Variants in AEBP2 observed in about 807,000 individuals in gnomAD.
AEBP2 encodes the protein AE binding protein 2, also known as zinc finger protein AEBP2.
AEBP2 carries 10 observed loss-of-function variants against 50.8 expected under a neutral mutation model. The observed-to-expected ratio is 0.20, with a 90% confidence interval of 0.12 to 0.33. The LOEUF (loss-of-function observed/expected upper bound fraction) is 0.33, where lower values mean the gene tolerates loss of function less well. Ranked by LOEUF, AEBP2 falls within the 10% of genes least tolerant of loss-of-function variation. The pLI, the probability that AEBP2 is intolerant of heterozygous loss-of-function variation, is 1.00. For synonymous variants in AEBP2, 296 were observed against 261.3 expected, an observed-to-expected ratio of 1.13 and a Z score of -1.28; for missense variants, 570 against 688.0, an observed-to-expected ratio of 0.83 and a Z score of 1.92.
chr12:19,422,972 G>C (rs1485962294), intron 1 of AEBP2, among the ~76,000 whole-genome samples: 1 of 136,944 alleles, frequency 7.3e-6, no homozygotes, highest in Non-Finnish European at 1.5e-5. Context: ...GGCTGAGGCA[G>C]GACAATCACT....
In AEBP2 at chr12:19,462,616, G is replaced by A. The variant is rs1339047338; in HGVS notation, c.778G>A (p.Ala260Thr). Residue 260 changes from alanine to threonine, a missense_variant, in exon 2 of 8, where the codon GCC becomes ACC. By Grantham distance (58) the Ala-to-Thr change is moderately conservative (BLOSUM62 0). Transcript: ENST00000266508. ...GSTTSSSKNI[A>T]YNCCWDQCQA... ...CACTACTTCTTCAAGCAAAAATATT[G>A]CCTATAATTGTTGTTGGGACCAGTG... 1 of 1,613,918 alleles carries A rather than the reference G, an allele frequency of 6.2e-7. No individual in the cohort carries two copies. The highest frequency in any genetic ancestry group is 2.2e-5 in the East Asian group (1 of 44,882).
chr12:19,505,826 A>G (rs1429066362), intron 5 of AEBP2, among the ~76,000 whole-genome samples: 2 of 152,122 alleles, frequency 1.3e-5, no homozygotes, highest in Non-Finnish European at 1.5e-5. Flanking sequence ...CCCAGGGTGA[A>G]ATGTGGTGGT....
rs557099369 is a variant in AEBP2 at position 19,519,417 on chromosome 12, A to G, written c.*1300A>G. The G allele has an allele frequency of 2.0e-5, 3 of 152,682 alleles. No individual in the cohort carries two copies. Among genetic ancestry groups the G allele is most frequent in the Admixed American group, 6.5e-5 (1 of 15,288 alleles). 9.5% of individuals were successfully genotyped at this position (152,682 alleles called of 1,614,324 possible). A position where few individuals can be genotyped will look rare whatever the true frequency, so the allele number is the denominator to read the frequency against. ...CTTAAGGGACTATGTACTACTGTTA[A>G]TATCTCTAAGAACAAAACACATTGA... On this transcript the variant is annotated 3_prime_UTR_variant, in exon 8 of 8. Transcript: ENST00000266508.
Position 19,478,497 on chromosome 12 carries a change from C to T in AEBP2, c.987+5142C>T, listed in dbSNP as rs1219118799. On this transcript the variant is annotated intron_variant, in intron 3 of 7. Coordinates refer to ENST00000266508, the MANE Select transcript of AEBP2 (RefSeq NM_153207.5). The stretch of plus-strand genomic sequence containing the variant: ...TTTTTACAGGGTTTCACCATGTTGC[C>T]CAGGCTGGTCTCAAACTCCTGACCT... Among the ~76,000 whole-genome samples, 3 of 152,032 alleles carry T rather than the reference C, an allele frequency of 2.0e-5. No homozygotes were observed. The East Asian group carries it at 5.8e-4, about 29-fold the overall frequency.
chr12:19,440,569 C>T, intron 1 of AEBP2, 199 bp downstream of exon 1: 1 of 1,409,766 alleles, frequency 7.1e-7, no homozygotes, highest in East Asian at 2.6e-5. Flanking sequence ...AACTCTCAAA[C>T]CGTTCCCCCC....
intron 1 of AEBP2, among the ~76,000 whole-genome samples, chr12:19,405,509 A>G (rs2095735721): frequency 6.6e-6 from 1 of 151,390 alleles, no homozygotes; most frequent in Non-Finnish European, 1.5e-5. Context: ...TATTTTTAGT[A>G]CAGACAGGGT....
At chr12:19,511,498 T>C (rs956096816) in intron 5 of AEBP2, among the ~76,000 whole-genome samples, 4 of 152,208 alleles carry the variant, frequency 2.6e-5, no homozygotes, top group Admixed American at 6.5e-5. Flanking sequence ...GACCCTTTCC[T>C]AAGTGCTCGG....
At chr12:19,450,610 G>A (rs991571942) in intron 1 of AEBP2, among the ~76,000 whole-genome samples, 1 of 142,848 alleles carries the variant, frequency 7.0e-6, no homozygotes, top group Non-Finnish European at 1.5e-5. Flanking sequence ...AGGGAGGATA[G>A]CTTCAACCCA....
Position 19,518,218 on chromosome 12 carries a change from CTTTTTTTTTT to C in AEBP2, c.*112_*121del, listed in dbSNP as rs34795094. The C allele has an allele frequency of 2.7e-6, 3 of 1,131,726 alleles. No individual in the cohort carries two copies. The highest frequency in any genetic ancestry group is 9.1e-5 in the Admixed American group (2 of 21,968). The allele number at this position is 1,131,726 out of a possible 1,614,324, so 70.1% of individuals were successfully genotyped here. On this transcript the variant is annotated 3_prime_UTR_variant, in exon 8 of 8. Coordinates refer to ENST00000266508, the MANE Select transcript of AEBP2 (RefSeq NM_153207.5). ...AGTTGCACATTAGAGTCAACCCCTT[CTTTTTTTTTT>C]TTTTTTTTTTAAATCCAGTATTTAG...
At chr12:19,469,017 C>CA (rs1316054789) in intron 2 of AEBP2, among the ~76,000 whole-genome samples, 1 of 152,170 alleles carries the variant, frequency 6.6e-6, no homozygotes, top group East Asian at 1.9e-4. Flanking sequence ...TTTCGCCTCC[C>CA]AGGTTCAAGC....
intron 3 of AEBP2, among the ~76,000 whole-genome samples, chr12:19,492,365 C>G (rs1162664299): frequency 6.6e-6 from 1 of 152,126 alleles, no homozygotes; most frequent in Non-Finnish European, 1.5e-5. Context: ...CCTGAACATT[C>G]TGCATTCTTT....
chr12:19,439,713 T>A lies in AEBP2; in HGVS notation c.14T>A (p.Ile5Asn). 2.6e-6 allele frequency: 4 copies of A among 1,512,456 alleles called. No homozygotes were observed. The South Asian group carries it at 4.8e-5, about 18-fold the overall frequency. The allele number at this position is 1,512,456 out of a possible 1,614,324, so 93.7% of individuals were successfully genotyped here. The change falls in exon 1 of 8, where the codon ATC becomes AAC. Residue 5 changes from isoleucine to asparagine, a missense_variant. Ile to Asn is a moderately radical substitution (Grantham distance 149, BLOSUM62 -3). This residue lies in a region of AEBP2 where 386 missense variants were observed against 336.8 expected (regional missense o/e 1.15). Coordinates refer to ENST00000266508, the MANE Select transcript of AEBP2 (RefSeq NM_153207.5). MAAA[I>N]TDMADLEELS... ...GCAGGCGCCGCCATGGCCGCCGCTA[T>A]CACCGACATGGCCGACCTGGAGGAG...
At chr12:19,427,304 C>A (rs557128627) in intron 1 of AEBP2, among the ~76,000 whole-genome samples, 3 of 147,390 alleles carry the variant, frequency 2.0e-5, no homozygotes, top group African/African-American at 5.0e-5. Flanking sequence ...TTCTTGAACC[C>A]GGGAGGCAGA....
intron 5 of AEBP2, chr12:19,508,919 A>T: frequency 8.2e-6 from 3 of 364,026 alleles, no homozygotes; most frequent in Non-Finnish European, 1.6e-5. Flanking sequence ...CCAGCATTTG[A>T]CATACTGTCG....
At chr12:19,479,336 A>G (rs753101675) in intron 3 of AEBP2, among the ~76,000 whole-genome samples, 1 of 152,114 alleles carries the variant, frequency 6.6e-6, no homozygotes, top group African/African-American at 2.4e-5. Flanking sequence ...CTGTCAGTGG[A>G]GTATTGAAGT....
chr12:19,500,451 C>T (rs899055135), intron 5 of AEBP2, among the ~76,000 whole-genome samples: 1 of 152,124 alleles, frequency 6.6e-6, no homozygotes, highest in African/African-American at 2.4e-5. Context: ...GTTTGAGTTA[C>T]TTAGGAATAA....
Position 19,522,147 on chromosome 12 carries a change from G to A in AEBP2, c.*4030G>A, listed in dbSNP as rs1949407166. 6.6e-6 allele frequency: 1 copy of A among 151,840 alleles called. No homozygotes were observed. The highest frequency in any genetic ancestry group is 6.6e-5 in the Admixed American group (1 of 15,234). 9.4% of individuals were successfully genotyped at this position (151,840 alleles called of 1,614,324 possible). On this transcript the variant is annotated 3_prime_UTR_variant, in exon 8 of 8. Coordinates refer to ENST00000266508, the MANE Select transcript of AEBP2 (RefSeq NM_153207.5). ...CTCTATTCTAAAAATTACAGAATAT[G>A]TATTCATAAAAGGGAAGAAATTGTT...
chr12:19,466,728 T>C, intron 2 of AEBP2: 1 of 907,102 alleles, frequency 1.1e-6, no homozygotes, highest in Non-Finnish European at 1.3e-6. Flanking sequence ...AGATTTCTTA[T>C]TTCTTCTTTC....
chr12:19,445,771 A>G (rs908589297), intron 1 of AEBP2, among the ~76,000 whole-genome samples: 6 of 152,218 alleles, frequency 3.9e-5, no homozygotes, highest in Non-Finnish European at 7.3e-5. Context: ...TGATTACAGC[A>G]TGTACATTTT....
Sources: gnomAD v4.1 joint callset for allele counts (sites outside exome capture counted in the v4.1 genomes callset) on GRCh38, gnomAD v4.1.1 for gene constraint, gnomAD v4.1.1 regional missense constraint, MANE v1.5 for transcripts, NCBI Gene and HGNC (gene_info 2026-07-23, HGNC 2026-07-21) for gene names.